Variants in TRAPPC3L observed in about 807,000 individuals in gnomAD.
The protein encoded by TRAPPC3L is trafficking protein particle complex subunit 3L, also known as trafficking protein particle complex subunit 3-like protein.
In TRAPPC3L, 23 loss-of-function variants were observed where a neutral mutation model predicts 23.7. The observed-to-expected ratio is 0.97, with a 90% CI of 0.70 to 1.37. The LOEUF (loss-of-function observed/expected upper bound fraction) is 1.37, where lower values mean the gene tolerates loss of function less well. TRAPPC3L is among the 40% of genes most tolerant of loss of function. TRAPPC3L has a pLI of 0.00. For missense variants in TRAPPC3L, 212 were observed against 216.8 expected (o/e 0.98, Z 0.14); for synonymous variants, 81 against 77.9 (o/e 1.04, Z -0.21).
chr6:116,499,381 T>C lies in TRAPPC3L; in HGVS notation c.426+1100A>G, dbSNP rs528910820. ...TTTCCTTCAGCATTGTTCCCTCTGATATACTTTCATTTGGTTGATAAAGAA... is the reference window on the plus strand; with the variant it reads ...TTTCCTTCAGCATTGTTCCCTCTGACATACTTTCATTTGGTTGATAAAGAA... On this transcript the variant is annotated intron_variant, in intron 4 of 4. Coordinates refer to ENST00000368602, the MANE Select transcript of TRAPPC3L (RefSeq NM_001139444.3). Among the ~76,000 whole-genome samples the C allele has an allele frequency of 3.9e-5, 6 of 152,330 alleles. No individual in the cohort carries two copies. In the South Asian group the frequency reaches 1.2e-3, roughly 32 times the overall value.
chr6:116,538,631 A>G (rs537899474), intron 3 of TRAPPC3L, among the ~76,000 whole-genome samples: 3 of 152,260 alleles, frequency 2.0e-5, no homozygotes, highest in South Asian at 2.1e-4. Context: ...AACCTTAAAT[A>G]CAGGAGTCAG....
intron 3 of TRAPPC3L, among the ~76,000 whole-genome samples, chr6:116,529,961 G>T (rs551982805): frequency 6.6e-6 from 1 of 152,168 alleles, no homozygotes; most frequent in South Asian, 2.1e-4. Context: ...CCTAGTAAAA[G>T]AAAGAACATT....
chr6:116,503,314 A>G (rs972644425), intron 3 of TRAPPC3L, among the ~76,000 whole-genome samples: 2 of 152,260 alleles, frequency 1.3e-5, no homozygotes. Flanking sequence ...CAATTCAACA[A>G]GAAGAGCTAA....
intron 3 of TRAPPC3L, among the ~76,000 whole-genome samples, chr6:116,514,328 G>A (rs9398439): frequency 0.38 from 58,225 of 151,778 alleles, 12,695 homozygotes; most frequent in East Asian, 0.54. Flanking sequence ...GATGAAGGAA[G>A]GAGGAACATA....
chr6:116,511,505 C>T, intron 3 of TRAPPC3L: 2 of 575,114 alleles, frequency 3.5e-6, no homozygotes, highest in Non-Finnish European at 6.1e-6. Context: ...CCAATTTCCA[C>T]CAGTAGGAGG....
intron 4 of TRAPPC3L, among the ~76,000 whole-genome samples, chr6:116,498,480 C>A (rs539906211): frequency 6.6e-6 from 1 of 152,276 alleles, no homozygotes; most frequent in African/African-American, 2.4e-5. Flanking sequence ...ACATGCATGC[C>A]TCATTATTAG....
At position 116,496,849 on chromosome 6, in the gene TRAPPC3L, C is replaced by T; in HGVS notation, c.*105G>A. ...TTCAAATTTCTGGCTGATTTATAAA[C>T]CTTTCAAAGCTCATGCTATGAAGCA... On this transcript the variant is annotated 3_prime_UTR_variant, in exon 5 of 5. Transcript: ENST00000368602. 7.3e-7 allele frequency: 1 copy of T among 1,376,206 alleles called. No homozygotes were observed. Among genetic ancestry groups the T allele is most frequent in the Non-Finnish European group, 9.4e-7 (1 of 1,058,226 alleles). 85.2% of individuals were successfully genotyped at this position (1,376,206 alleles called of 1,614,324 possible).
chr6:116,526,373 A>G (rs895992541), intron 3 of TRAPPC3L, among the ~76,000 whole-genome samples: 5 of 152,242 alleles, frequency 3.3e-5, no homozygotes, highest in African/African-American at 1.2e-4. Flanking sequence ...CTGCAGCCTC[A>G]CTTCTATAGG....
intron 3 of TRAPPC3L, chr6:116,522,556 G>A (rs1310084585): frequency 6.6e-6 from 1 of 152,204 alleles, no homozygotes; most frequent in African/African-American, 2.4e-5. Flanking sequence ...GATAGATGCT[G>A]ATAAGTAGGT....
At chr6:116,512,171 G>T in intron 3 of TRAPPC3L, 1 of 1,612,004 alleles carries the variant, frequency 6.2e-7, no homozygotes. Flanking sequence ...AGTATCTTGT[G>T]GCAAAACTAG....
intron 3 of TRAPPC3L, among the ~76,000 whole-genome samples, chr6:116,510,387 T>C (rs991811823): frequency 1.3e-5 from 2 of 152,068 alleles, no homozygotes; most frequent in Non-Finnish European, 2.9e-5. Flanking sequence ...GCTCAAGCGA[T>C]CCTCCCATCT....
chr6:116,500,514 C>G lies in TRAPPC3L; in HGVS notation c.393G>C (p.Leu131Phe). Residue 131 changes from leucine (L) to phenylalanine (F), a missense_variant, in exon 4 of 5, where the codon TTG becomes TTC. Coordinates refer to ENST00000368602, the MANE Select transcript of TRAPPC3L (RefSeq NM_001139444.3). The part of the protein sequence containing the change: ...AGRSSLCYCN[L>F]LCGIIRGALE... Reference sequence around the variant, plus strand: ...AGGCACCTCTGATAATCCCACAGAGCAAGTTGCAGTAGCACAGAGAAGATC... The same window carrying G: ...AGGCACCTCTGATAATCCCACAGAGGAAGTTGCAGTAGCACAGAGAAGATC... 3 of 1,551,434 alleles carry G rather than the reference C, an allele frequency of 1.9e-6. No individual in the cohort carries two copies. In the South Asian group the frequency reaches 3.6e-5, roughly 18 times the overall value.
At chr6:116,539,777 C>T (rs932064564) in intron 3 of TRAPPC3L, among the ~76,000 whole-genome samples, 1 of 152,116 alleles carries the variant, frequency 6.6e-6, no homozygotes, top group African/African-American at 2.4e-5. Context: ...ATTAACAACA[C>T]TACATTAATA....
chr6:116,511,699 G>A, intron 3 of TRAPPC3L: 2 of 1,612,862 alleles, frequency 1.2e-6, no homozygotes, highest in Non-Finnish European at 8.5e-7. Flanking sequence ...TCTCCAACAT[G>A]GATGCTTTTC....
intron 2 of TRAPPC3L, among the ~76,000 whole-genome samples, chr6:116,542,175 C>A (rs957446946): frequency 2.6e-5 from 4 of 152,010 alleles, no homozygotes; most frequent in African/African-American, 9.7e-5. Flanking sequence ...CGTAAAATAA[C>A]CTTAACATTC....
chr6:116,545,507 C>T lies in TRAPPC3L; in HGVS notation c.8G>A (p.Arg3His), dbSNP rs368624449. The change falls in exon 1 of 5, where the codon CGC becomes CAC. Residue 3 changes from arginine (R) to histidine (H), a missense_variant. Physicochemically the swap from Arg to His is conservative, Grantham distance 29. Coordinates refer to ENST00000368602, the MANE Select transcript of TRAPPC3L (RefSeq NM_001139444.3). The stretch of plus-strand genomic sequence containing the variant: ...GTATTCTGGTCTTCGGTGTGCAGGG[C>T]GAGACATAGTGCTTGATAGATGAAG... MS[R>H]PAHRRPEYHK... 1.2e-5 allele frequency: 18 copies of T among 1,547,286 alleles called. No individual in the cohort carries two copies. Among genetic ancestry groups the T allele is most frequent in the African/African-American group, 6.9e-5 (5 of 72,868 alleles).
intron 3 of TRAPPC3L, chr6:116,521,314 G>A (rs1772335892): frequency 6.6e-6 from 1 of 152,114 alleles, no homozygotes; most frequent in Non-Finnish European, 1.5e-5. Context: ...CTGTAAGCTG[G>A]AGAATCAGGG....
chr6:116,514,843 A>C (rs1313216986), intron 3 of TRAPPC3L, among the ~76,000 whole-genome samples: 1 of 152,258 alleles, frequency 6.6e-6, no homozygotes, highest in African/African-American at 2.4e-5. Flanking sequence ...ACTAAATGTC[A>C]AGAGACACTT....
At chr6:116,519,810 C>T (rs566943966) in intron 3 of TRAPPC3L, 2 of 152,218 alleles carry the variant, frequency 1.3e-5, no homozygotes, top group South Asian at 4.2e-4. Context: ...CCAATTTATC[C>T]CATGAATAAA....
Sources: gnomAD v4.1 joint callset for allele counts (sites outside exome capture counted in the v4.1 genomes callset) on GRCh38, gnomAD v4.1.1 for gene constraint, MANE v1.5 for transcripts, NCBI Gene and HGNC (gene_info 2026-07-23, HGNC 2026-07-21) for gene names.